Variants in TRHDE observed in about 807,000 individuals in gnomAD.
TRHDE encodes thyrotropin releasing hormone degrading enzyme, also known as thyrotropin-releasing hormone-degrading ectoenzyme.
TRHDE carries 72 observed loss-of-function variants against 125.7 expected under a neutral mutation model. The ratio of observed to expected loss-of-function variants is 0.57; its 90% CI spans 0.47 to 0.70. TRHDE has a LOEUF of 0.70. TRHDE is among the 30% of genes least tolerant of loss of function. The pLI is 0.00. For missense variants in TRHDE, 1,110 were observed against 1,327.1 expected (o/e 0.84, Z 2.54); for synonymous variants, 509 against 509.1 (o/e 1.00, Z 0.00).
chr12:72,223,118 T>C (rs1467095179), intron 2 of TRHDE, among the ~76,000 whole-genome samples: 1 of 152,016 alleles, frequency 6.6e-6, no homozygotes, highest in Non-Finnish European at 1.5e-5. Context: ...CAAGAGGCAA[T>C]CTGGGATCCC....
intron 14 of TRHDE, 68 bp downstream of exon 14, chr12:72,621,273 T>C (rs1688837548): frequency 2.0e-6 from 2 of 1,017,200 alleles, no homozygotes; most frequent in Non-Finnish European, 1.5e-6. Context: ...ACTAGTGCCA[T>C]TGTGACTTTA....
intron 3 of TRHDE, among the ~76,000 whole-genome samples, chr12:72,392,525 C>T (rs1284728105): frequency 6.6e-6 from 1 of 152,126 alleles, no homozygotes; most frequent in African/African-American, 2.4e-5. Context: ...CAATGATCAG[C>T]AAACTTTTCT....
At chr12:72,585,404 T>C (rs1308542588) in intron 12 of TRHDE, among the ~76,000 whole-genome samples, 2 of 152,240 alleles carry the variant, frequency 1.3e-5, no homozygotes, top group African/African-American at 2.4e-5. Flanking sequence ...GTTCGGTCCC[T>C]TTCCTACATT....
At chr12:72,506,260 A>G (rs551919178) in intron 6 of TRHDE, among the ~76,000 whole-genome samples, 70 of 152,278 alleles carry the variant, frequency 4.6e-4, no homozygotes, top group African/African-American at 1.6e-3. Context: ...ACAGTGAGCT[A>G]TAATAGATCT....
chr12:72,172,112 C>T (rs1876886715), intron 2 of TRHDE, among the ~76,000 whole-genome samples: 1 of 152,104 alleles, frequency 6.6e-6, no homozygotes, highest in Non-Finnish European at 1.5e-5. Context: ...CAGTATCTTC[C>T]AAGAAAGGCA....
At chr12:72,594,815 G>A (rs1029059722) in intron 12 of TRHDE, among the ~76,000 whole-genome samples, 4 of 151,712 alleles carry the variant, frequency 2.6e-5, no homozygotes, top group South Asian at 2.1e-4. Context: ...ACATGCACAC[G>A]TATGTTTATT....
At chr12:72,256,063 T>G (rs967198928) in intron 2 of TRHDE, 1 of 152,168 alleles carries the variant, frequency 6.6e-6, no homozygotes, top group African/African-American at 2.4e-5. Flanking sequence ...CCGGAAGGAC[T>G]TTTCTAAAAC....
chr12:72,197,452 ACTT>A (rs1232131645), intron 2 of TRHDE, among the ~76,000 whole-genome samples: 1 of 152,124 alleles, frequency 6.6e-6, no homozygotes, highest in African/African-American at 2.4e-5. Context: ...TTATGGCTAT[ACTT>A]CTTGTTACAA....
chr12:72,227,111 ACT>A (rs1166169788), intron 2 of TRHDE, among the ~76,000 whole-genome samples: 2 of 152,172 alleles, frequency 1.3e-5, no homozygotes, highest in African/African-American at 4.8e-5. Flanking sequence ...AAATAAATAA[ACT>A]CTTCCTGGCT....
At chr12:72,295,935 G>A (rs4760828) in intron 2 of TRHDE, among the ~76,000 whole-genome samples, 2,947 of 152,296 alleles carry the variant, frequency 0.019, 44 homozygotes, top group Non-Finnish European at 0.033. Context: ...ATTTAGGAAT[G>A]TAAGTAGAGG....
intron 4 of TRHDE, among the ~76,000 whole-genome samples, chr12:72,472,739 T>C (rs1178419077): frequency 6.6e-6 from 1 of 152,218 alleles, no homozygotes; most frequent in Non-Finnish European, 1.5e-5. Flanking sequence ...AAGCCTTTCC[T>C]CTTCTACGTA....
intron 2 of TRHDE, among the ~76,000 whole-genome samples, chr12:72,316,250 A>C (rs759275176): frequency 6.6e-6 from 1 of 152,212 alleles, no homozygotes; most frequent in Non-Finnish European, 1.5e-5. Context: ...TTAATTCTGC[A>C]TCATGGATTT....
At chr12:72,414,520 A>G (rs773901526) in intron 3 of TRHDE, among the ~76,000 whole-genome samples, 18 of 152,072 alleles carry the variant, frequency 1.2e-4, no homozygotes, top group African/African-American at 2.2e-4. Context: ...CTCAATAACA[A>G]CTCTGTCGAA....
intron 2 of TRHDE, among the ~76,000 whole-genome samples, chr12:72,330,509 T>G (rs1227431677): frequency 6.6e-6 from 1 of 152,138 alleles, no homozygotes; most frequent in Non-Finnish European, 1.5e-5. Context: ...GAGCCTGTGG[T>G]CATGCTTCTG....
intron 2 of TRHDE, among the ~76,000 whole-genome samples, chr12:72,233,674 TAAG>T (rs1878288838): frequency 6.6e-6 from 1 of 152,092 alleles, no homozygotes; most frequent in South Asian, 2.1e-4. Flanking sequence ...CACTGATAAA[TAAG>T]AAACACAAAA....
intron 3 of TRHDE, among the ~76,000 whole-genome samples, chr12:72,465,931 T>C (rs553550560): frequency 6.6e-6 from 1 of 152,340 alleles, no homozygotes; most frequent in Admixed American, 6.5e-5. Context: ...AACCTGTGTG[T>C]ATATAAGAAG....
At chr12:72,577,702 T>C (rs758484358) in intron 12 of TRHDE, among the ~76,000 whole-genome samples, 1 of 152,194 alleles carries the variant, frequency 6.6e-6, no homozygotes, top group South Asian at 2.1e-4. Flanking sequence ...AGATGAAATA[T>C]TTTATTTAAT....
chr12:72,480,654 A>AAAAC (rs1877126407), intron 5 of TRHDE, among the ~76,000 whole-genome samples: 1 of 152,162 alleles, frequency 6.6e-6, no homozygotes, highest in South Asian at 2.1e-4. Flanking sequence ...TTCTAAGAAG[A>AAAAC]AAACACTTAC....
chr12:72,639,761 G>C (rs1429579065), intron 15 of TRHDE, among the ~76,000 whole-genome samples: 8 of 151,536 alleles, frequency 5.3e-5, no homozygotes, highest in Admixed American at 1.3e-4. Context: ...GTACCCGGCC[G>C]TGTGAGGTGT....
Sources: allele counts gnomAD v4.1 joint callset (sites outside exome capture counted in the v4.1 genomes callset), GRCh38; gene constraint gnomAD v4.1.1; transcripts MANE v1.5; gene names NCBI Gene and HGNC (gene_info 2026-07-23, HGNC 2026-07-21).